Variants in CDH3 observed in about 807,000 individuals in gnomAD.
CDH3 encodes cadherin-3.
CDH3 carries 54 observed loss-of-function variants against 82.0 expected under a neutral mutation model. That is an observed-to-expected ratio of 0.66 (90% CI 0.53 to 0.83). CDH3 has a LOEUF of 0.83. Among genes scored for constraint, CDH3 ranks in the 40% least tolerant of loss-of-function variants. The probability of loss-of-function intolerance (pLI) is 0.00; values close to 1 mark genes in which losing one functional copy is unlikely to be tolerated. For synonymous variants in CDH3, 446 were observed against 437.9 expected (o/e 1.02, Z -0.23); for missense variants, 1,054 against 1,084.6 (o/e 0.97, Z 0.40).
chr16:68,686,615 A>G (rs569365652), intron 11 of CDH3: 13 of 1,165,334 alleles, frequency 1.1e-5, no homozygotes, highest in Admixed American at 3.4e-5. Flanking sequence ...TGGAGGCACC[A>G]AAGTAGTTCT....
chr16:68,699,171 G>A lies in CDH3; in HGVS notation c.*771G>A, dbSNP rs749340165. Reference sequence around the variant, plus strand: ...TTTTCAGAGTTCTGCAAAAAGAGTGGGCTCTGTTTACCCTGCTGGCTTCAC... The same window carrying A: ...TTTTCAGAGTTCTGCAAAAAGAGTGAGCTCTGTTTACCCTGCTGGCTTCAC... On this transcript the variant is annotated 3_prime_UTR_variant, in exon 16 of 16. Coordinates refer to ENST00000264012, the MANE Select transcript of CDH3 (RefSeq NM_001793.6). 1 of 152,092 alleles carries A rather than the reference G, an allele frequency of 6.6e-6. No homozygotes were observed. The highest frequency in any genetic ancestry group is 6.6e-5 in the Admixed American group (1 of 15,246). 9.4% of individuals were successfully genotyped at this position (152,092 alleles called of 1,614,324 possible).
chr16:68,729,716 C>T (rs1332824848), downstream of CDH3, among the ~76,000 whole-genome samples: 1 of 152,064 alleles, frequency 6.6e-6, no homozygotes, highest in African/African-American at 2.4e-5. Flanking sequence ...ACTGCAACCT[C>T]GACCTCCTGG....
chr16:68,688,358 G>A (rs1039737436), intron 12 of CDH3, among the ~76,000 whole-genome samples: 1 of 151,998 alleles, frequency 6.6e-6, no homozygotes. Flanking sequence ...GGGAGCCTGA[G>A]GCGGGCGGGT....
intron 11 of CDH3, chr16:68,686,338 G>A (rs913893909): frequency 4.1e-5 from 39 of 953,012 alleles, no homozygotes; most frequent in Middle Eastern, 4.3e-4. Flanking sequence ...TCCTTGCGGC[G>A]CTACACAAGA....
At chr16:68,675,875 C>T (rs911184785) in intron 2 of CDH3, among the ~76,000 whole-genome samples, 4 of 152,048 alleles carry the variant, frequency 2.6e-5, no homozygotes, top group African/African-American at 9.7e-5. Flanking sequence ...AATTCACCTC[C>T]AGCTGGTGAA....
chr16:68,717,954 A>G (rs1477932087), intron 1 of CDH3, among the ~76,000 whole-genome samples: 1 of 152,056 alleles, frequency 6.6e-6, no homozygotes, highest in Non-Finnish European at 1.5e-5. Context: ...ATCATGAGCT[A>G]AATAAACTTT....
chr16:68,724,081 A>G (rs1218608550), intron 2 of CDH3, among the ~76,000 whole-genome samples: 1 of 150,244 alleles, frequency 6.7e-6, no homozygotes, highest in Non-Finnish European at 1.5e-5. Context: ...AAAAAAAAAA[A>G]AAAAATTAGC....
intron 2 of CDH3, among the ~76,000 whole-genome samples, chr16:68,674,043 A>G (rs561568696): frequency 2.0e-5 from 3 of 152,346 alleles, no homozygotes; most frequent in South Asian, 4.1e-4. Flanking sequence ...TTTCAGGTAT[A>G]TACCTAGGCA....
In CDH3 at chr16:68,698,265, C is replaced by T. The variant is rs367881003; in HGVS notation, c.2355C>T (p.Ser785=). 96 of 1,614,112 alleles carry T rather than the reference C, an allele frequency of 5.9e-5. No homozygotes were observed. Among genetic ancestry groups the T allele is most frequent in the Non-Finnish European group, 7.5e-5 (89 of 1,180,042 alleles). The change falls in exon 16 of 16, where the codon AGC becomes AGT. Residue 785 remains serine (S), a synonymous_variant. Coordinates refer to ENST00000264012, the MANE Select transcript of CDH3 (RefSeq NM_001793.6). ...TCTTGGTGTTCGACTATGAGGGCAG[C>T]GGCTCCGACGCCGCGTCCCTGAGCT... ...DTLLVFDYEG[S]GSDAASLSSL...
At chr16:68,654,341 G>C (rs1300737197) in intron 2 of CDH3, among the ~76,000 whole-genome samples, 6 of 141,026 alleles carry the variant, frequency 4.3e-5, no homozygotes, top group South Asian at 2.3e-4. Flanking sequence ...TTACAGGTGT[G>C]AGCCACCGCA....
chr16:68,669,464 A>C (rs191034975), intron 2 of CDH3, among the ~76,000 whole-genome samples: 52 of 152,076 alleles, frequency 3.4e-4, no homozygotes, highest in African/African-American at 1.3e-3. Flanking sequence ...CTACAAATAG[A>C]TGCACAGCCC....
downstream of CDH3, among the ~76,000 whole-genome samples, chr16:68,732,079 C>T (rs370900160): frequency 3.3e-4 from 47 of 142,612 alleles, no homozygotes; most frequent in African/African-American, 1.2e-3. Context: ...ACTGGAAGGG[C>T]GGCACCCCTA....
chr16:68,690,935 T>C (rs1961552327), intron 12 of CDH3, among the ~76,000 whole-genome samples: 1 of 152,060 alleles, frequency 6.6e-6, no homozygotes, highest in Admixed American at 6.6e-5. Flanking sequence ...GTTGGAAATA[T>C]GGGTGTTTCA....
Position 68,654,685 on chromosome 16 carries a change from C to T in CDH3, c.160+8935C>T, listed in dbSNP as rs185574825. The stretch of plus-strand genomic sequence containing the variant: ...GTCACTGCACTCCAGGCTGGGTGAC[C>T]GAGCAAGACTCTGTCTCAAAAAAAA... On this transcript the variant is annotated intron_variant, in intron 2 of 15. Coordinates refer to ENST00000264012, the MANE Select transcript of CDH3 (RefSeq NM_001793.6). Among the ~76,000 whole-genome samples the T allele has an allele frequency of 3.3e-3, 420 of 126,606 alleles. 4 individuals carry two copies. Among genetic ancestry groups the T allele is most frequent in the African/African-American group, 9.8e-3 (323 of 32,816 alleles). 83.1% of individuals were successfully genotyped at this position (126,606 alleles called of 152,430 possible).
intron 1 of CDH3, among the ~76,000 whole-genome samples, chr16:68,712,244 C>T (rs1962040896): frequency 6.6e-6 from 1 of 151,602 alleles, no homozygotes; most frequent in Non-Finnish European, 1.5e-5. Context: ...TCCATGTTAT[C>T]CAGGCTGGTT....
intron 2 of CDH3, among the ~76,000 whole-genome samples, chr16:68,672,190 CAAA>C (rs36172561): frequency 7.0e-5 from 5 of 71,146 alleles, no homozygotes; most frequent in African/African-American, 1.7e-4. Context: ...GACTCCGTCT[CAAA>C]AAAAAAAAAA....
rs565326119 is a variant in CDH3 at position 68,682,338 on chromosome 16, G to A, written c.1033G>A (p.Glu345Lys). The change falls in exon 9 of 16, where the codon GAG becomes AAG. Residue 345 changes from glutamate to lysine, a missense_variant. Transcript: ENST00000264012. ...AHVPENAVGH[E>K]VQRLTVTDLD... ...TGTGCCTGAGAATGCAGTGGGCCAT[G>A]AGGTGCAGAGGCTGACGGTCACTGA... 19 of 1,614,038 alleles carry A rather than the reference G, an allele frequency of 1.2e-5. No individual in the cohort carries two copies. The East Asian group carries it at 3.6e-4, about 30-fold the overall frequency.
Position 68,645,923 on chromosome 16 carries a change from G to C in CDH3, c.160+173G>C, listed in dbSNP as rs574497762. On this transcript the variant is annotated intron_variant, in intron 2 of 15. Coordinates refer to ENST00000264012, the MANE Select transcript of CDH3 (RefSeq NM_001793.6). ...ATTGGGGGTGGTGGCTGACGGAGAA[G>C]GCTGGGCAGCAGAGCGCCTATGACA... 477 of 605,546 alleles carry C rather than the reference G, an allele frequency of 7.9e-4. 2 individuals carry two copies. In the African/African-American group the frequency reaches 7.9e-3, roughly 10 times the overall value. The allele number at this position is 605,546 out of a possible 1,614,324, so 37.5% of individuals were successfully genotyped here.
intron 2 of CDH3, among the ~76,000 whole-genome samples, chr16:68,648,063 A>G (rs534571241): frequency 6.6e-6 from 1 of 152,270 alleles, no homozygotes; most frequent in African/African-American, 2.4e-5. Flanking sequence ...TCCTCCTAAC[A>G]TTCCCTTGAA....
Sources: gnomAD v4.1 joint callset for allele counts (sites outside exome capture counted in the v4.1 genomes callset) on GRCh38, gnomAD v4.1.1 for gene constraint, MANE v1.5 for transcripts, NCBI Gene and HGNC (gene_info 2026-07-23, HGNC 2026-07-21) for gene names.